The following ASTN2 variants were observed in gnomAD, a reference collection of about 807,000 sequenced individuals.
ASTN2 encodes astrotactin-2.
Under a neutral mutation model 139.8 loss-of-function variants are expected in ASTN2, and 54 were observed. That is an observed-to-expected ratio of 0.39 (90% confidence interval 0.31 to 0.48). The LOEUF (loss-of-function observed/expected upper bound fraction) is 0.48. Ranked by LOEUF, ASTN2 falls within the 20% of genes least tolerant of loss-of-function variation. The pLI, the probability that ASTN2 is intolerant of heterozygous loss-of-function variation, is 0.95. For missense variants in ASTN2, 1,565 were observed against 1,725.1 expected (o/e 0.91, Z 1.64); for synonymous variants, 756 against 719.5 (o/e 1.05, Z -0.81).
At chr9:116,571,425 G>A (rs543054120) in intron 19 of ASTN2, among the ~76,000 whole-genome samples, 2 of 152,018 alleles carry the variant, frequency 1.3e-5, no homozygotes, top group Non-Finnish European at 2.9e-5. Context: ...CCTATTTCTG[G>A]CCTCTCCCTC....
At chr9:117,152,264 G>T (rs756066998) in intron 3 of ASTN2, among the ~76,000 whole-genome samples, 2 of 152,170 alleles carry the variant, frequency 1.3e-5, no homozygotes, top group African/African-American at 2.4e-5. Context: ...GGAGGGTCTT[G>T]CACAGAGTCA....
intron 19 of ASTN2, among the ~76,000 whole-genome samples, chr9:116,517,544 C>T (rs1268724670): frequency 6.6e-6 from 1 of 152,142 alleles, no homozygotes; most frequent in African/African-American, 2.4e-5. Flanking sequence ...ACATAGTCTA[C>T]CCAAATAAGA....
At chr9:116,803,511 TA>T (rs1830940946) in intron 13 of ASTN2, among the ~76,000 whole-genome samples, 7 of 8,050 alleles carry the variant, frequency 8.7e-4, no homozygotes, top group African/African-American at 2.9e-3. Context: ...TATATATATA[TA>T]TATATATATA....
chr9:117,042,387 C>T (rs1249955287), intron 5 of ASTN2, among the ~76,000 whole-genome samples: 1 of 152,126 alleles, frequency 6.6e-6, no homozygotes, highest in Non-Finnish European at 1.5e-5. Context: ...AATTTAAGAA[C>T]AAGACCCTTG....
Position 116,620,318 on chromosome 9 carries a change from C to T in ASTN2, c.3198G>A (p.Leu1066=), listed in dbSNP as rs139909026. 1.2e-4 allele frequency: 201 copies of T among 1,614,094 alleles called. No individual in the cohort carries two copies. The East Asian group carries it at 4.4e-3, about 35-fold the overall frequency. The change falls in exon 18 of 23, where the codon CTG becomes CTA. Residue 1066 remains leucine (L), a synonymous_variant. Transcript: ENST00000313400. The stretch of plus-strand genomic sequence containing the variant: ...GGGCCATACATACGTACACCGGCTG[C>T]AGAAGGGGGCTGCAGTTGGGGAGCC... The part of the protein sequence containing the change: ...ANGLPNCSPL[L]QPVLRLSPTV...
intron 7 of ASTN2, among the ~76,000 whole-genome samples, chr9:117,000,863 A>G (rs1837172547): frequency 6.6e-6 from 1 of 152,198 alleles, no homozygotes; most frequent in Admixed American, 6.5e-5. Flanking sequence ...TCACCATAGC[A>G]TATTTTCAGG....
At position 116,423,128 on chromosome 9, in the gene ASTN2, T is replaced by C. The variant is rs540385768; in HGVS notation, c.*2723A>G. On this transcript the variant is annotated 3_prime_UTR_variant, in exon 23 of 23. Transcript: ENST00000313400. ...TGACAGAGCTGAAAATCATTAATTC[T>C]TTCTTTTAATCAGAATTCTCTAGGT... Among the ~76,000 whole-genome samples, 3 of 152,342 alleles carry C rather than the reference T, an allele frequency of 2.0e-5. No individual in the cohort carries two copies. In the East Asian group the frequency reaches 5.8e-4, roughly 29 times the overall value.
intron 1 of ASTN2, among the ~76,000 whole-genome samples, chr9:117,302,129 A>G (rs1286462587): frequency 1.3e-5 from 2 of 152,062 alleles, no homozygotes; most frequent in Non-Finnish European, 2.9e-5. Context: ...TATAAAGAAA[A>G]AGGAGGCAGC....
intron 10 of ASTN2, among the ~76,000 whole-genome samples, chr9:116,940,679 G>T (rs1181958836): frequency 6.6e-6 from 1 of 152,050 alleles, no homozygotes; most frequent in Non-Finnish European, 1.5e-5. Context: ...AGTAATCTAG[G>T]TTTATTATTG....
intron 10 of ASTN2, among the ~76,000 whole-genome samples, chr9:116,890,816 A>C (rs1177130430): frequency 6.6e-6 from 1 of 152,128 alleles, no homozygotes; most frequent in East Asian, 1.9e-4. Context: ...AGGGGGGTGG[A>C]GCGGGGGTAT....
chr9:117,175,139 T>C (rs746742229), intron 3 of ASTN2, among the ~76,000 whole-genome samples: 3 of 152,082 alleles, frequency 2.0e-5, no homozygotes, highest in Non-Finnish European at 4.4e-5. Flanking sequence ...AAAACTGATG[T>C]TCTTATACAC....
intron 1 of ASTN2, among the ~76,000 whole-genome samples, chr9:117,406,961 C>T (rs1831012853): frequency 1.3e-5 from 2 of 151,606 alleles, no homozygotes; most frequent in Admixed American, 1.3e-4. Flanking sequence ...TCTGATGTAT[C>T]CTAGGCACAT....
chr9:116,821,027 G>T (rs1376535092), intron 11 of ASTN2, among the ~76,000 whole-genome samples: 1 of 152,160 alleles, frequency 6.6e-6, no homozygotes, highest in Non-Finnish European at 1.5e-5. Context: ...AGAATGAAGG[G>T]TGATAATGTC....
chr9:117,019,129 G>A (rs975890690), intron 6 of ASTN2, among the ~76,000 whole-genome samples: 1 of 151,844 alleles, frequency 6.6e-6, no homozygotes, highest in African/African-American at 2.4e-5. Context: ...TAAATACTGA[G>A]CTTCTCATGG....
chr9:116,586,831 T>TACAC (rs71377255), intron 19 of ASTN2, among the ~76,000 whole-genome samples: 3 of 133,784 alleles, frequency 2.2e-5, no homozygotes, highest in African/African-American at 8.5e-5. Context: ...CACACATACA[T>TACAC]ACACACACAC....
intron 1 of ASTN2, among the ~76,000 whole-genome samples, chr9:117,387,448 G>A (rs1830427721): frequency 6.6e-6 from 1 of 152,132 alleles, no homozygotes; most frequent in Non-Finnish European, 1.5e-5. Flanking sequence ...AGTCAGAGAA[G>A]GCTTCTCTGA....
Position 117,208,284 on chromosome 9 carries a change from A to G in ASTN2, c.1015+6074T>C, listed in dbSNP as rs77064798. Among the ~76,000 whole-genome samples, 478 of 152,278 alleles carry G rather than the reference A, an allele frequency of 3.1e-3. 2 individuals are homozygous for G. Among genetic ancestry groups the G allele is most frequent in the Non-Finnish European group, 5.5e-3 (374 of 68,012 alleles). ...AAGAAAATGATTCATGATTTACATG[A>G]TACATTCAACAAAGAGATAGATACC... On this transcript the variant is annotated intron_variant, in intron 3 of 22. Transcript: ENST00000313400.
At position 116,675,632 on chromosome 9, in the gene ASTN2, G is replaced by T. The variant is rs185857277; in HGVS notation, c.2807-23839C>A. 7.0e-4 allele frequency among the ~76,000 whole-genome samples: 106 copies of T among 152,282 alleles called. 1 individual carries two copies. Among genetic ancestry groups the T allele is most frequent in the African/African-American group, 2.4e-3 (101 of 41,558 alleles). ...CTTGATCAGGGATCTGATTTGGAAG[G>T]CCTTCTGTCTGTCATGTCTTTCTGT... is the stretch of plus-strand genomic sequence containing the variant. On this transcript the variant is annotated intron_variant, in intron 16 of 22. Transcript: ENST00000313400.
At chr9:116,527,330 A>G (rs541743813) in intron 19 of ASTN2, among the ~76,000 whole-genome samples, 1 of 152,238 alleles carries the variant, frequency 6.6e-6, no homozygotes, top group Non-Finnish European at 1.5e-5. Flanking sequence ...AAAACTTAGT[A>G]AGAAAACAAA....
Sources: gnomAD v4.1 joint callset for allele counts (sites outside exome capture counted in the v4.1 genomes callset) on GRCh38, gnomAD v4.1.1 for gene constraint, MANE v1.5 for transcripts, NCBI Gene and HGNC (gene_info 2026-07-23, HGNC 2026-07-21) for gene names.